The following EVI5L variants were observed in gnomAD, a reference collection of about 807,000 sequenced individuals.
EVI5L encodes the protein EVI5-like protein.
In EVI5L, 30 loss-of-function variants were observed where a neutral mutation model predicts 106.1. The ratio of observed to expected loss-of-function variants is 0.28; its 90% CI spans 0.21 to 0.38. The LOEUF is 0.38. Ranked by LOEUF, EVI5L falls within the 10% of genes least tolerant of loss-of-function variation. The pLI is 1.00. For missense variants in EVI5L, 809 were observed against 1,098.0 expected, an observed-to-expected ratio of 0.74 and a Z score of 3.72; for synonymous variants, 489 against 483.3, an observed-to-expected ratio of 1.01 and a Z score of -0.15.
chr19:7,830,984 C>G (rs1407554394), intron 1 of EVI5L, among the ~76,000 whole-genome samples: 1 of 150,386 alleles, frequency 6.6e-6, no homozygotes, highest in Admixed American at 6.6e-5. Flanking sequence ...CCTACCCCTG[C>G]CCACAGCCCT....
intron 6 of EVI5L, among the ~76,000 whole-genome samples, chr19:7,851,007 G>C (rs1001414684): frequency 6.8e-6 from 1 of 146,950 alleles, no homozygotes; most frequent in African/African-American, 2.5e-5. Context: ...TGGCTGGCAG[G>C]TCACGTAACA....
chr19:7,854,014 G>T (rs1214151451), intron 10 of EVI5L, among the ~76,000 whole-genome samples: 2 of 152,188 alleles, frequency 1.3e-5, no homozygotes, highest in Non-Finnish European at 2.9e-5. Flanking sequence ...GGGCGCGATG[G>T]CTCATGCATG....
At chr19:7,860,905 G>A (rs1009288581) in intron 14 of EVI5L, among the ~76,000 whole-genome samples, 1 of 152,124 alleles carries the variant, frequency 6.6e-6, no homozygotes, top group Non-Finnish European at 1.5e-5. Context: ...TGAGCTTCCC[G>A]GATACCTGCA....
chr19:7,864,028 G>A lies in EVI5L; in HGVS notation c.*326G>A, dbSNP rs1033979982. 1.3e-5 allele frequency: 4 copies of A among 315,422 alleles called. No homozygotes were observed. The highest frequency in any genetic ancestry group is 2.3e-5 in the Non-Finnish European group (4 of 172,754). 19.5% of individuals were successfully genotyped at this position (315,422 alleles called of 1,614,324 possible). A position where few individuals can be genotyped will look rare whatever the true frequency, so the allele number is the denominator to read the frequency against. The stretch of plus-strand genomic sequence containing the variant: ...AGGGCAGGGGACAGACGACCCAGAG[G>A]TCCCAGCACTGAATGAGCAGGCAGC... On this transcript the variant is annotated 3_prime_UTR_variant, in exon 20 of 20. Transcript: ENST00000538904. The surrounding 1 kb of genome is among the most constrained non-coding windows in gnomAD (Gnocchi z 4.5).
At chr19:7,860,831 A>G in intron 14 of EVI5L, 142 bp downstream of exon 14, 2 of 1,031,310 alleles carry the variant, frequency 1.9e-6, no homozygotes, top group African/African-American at 3.3e-5. Flanking sequence ...CACACAGCAC[A>G]ACCCCACGCG....
rs551981586 is a variant in EVI5L, at chr19:7,853,537, G to A, written c.1146+204G>A. ...AGCGCCTCCCCCGCCTGACGCCGCG[G>A]TAACCAAGACAGTCAAGGTCCCTGC... On this transcript the variant is annotated intron_variant, in intron 10 of 19. Transcript: ENST00000538904. 295 of 669,192 alleles carry A rather than the reference G, an allele frequency of 4.4e-4. 2 individuals are homozygous for A. In the African/African-American group the frequency reaches 4.9e-3, roughly 11 times the overall value. The allele number at this position is 669,192 out of a possible 1,614,324, so 41.5% of individuals were successfully genotyped here. A position where few individuals can be genotyped will look rare whatever the true frequency, so the allele number is the denominator to read the frequency against.
Position 7,860,555 on chromosome 19 carries a change from C to G in EVI5L, c.1375-6C>G. The stretch of plus-strand genomic sequence containing the variant: ...GGGGCCCCACGCAGCTCTCTGCCTC[C>G]CCCAGGAGAACCCCCGCCTCACAGA... On this transcript the variant is annotated splice_polypyrimidine_tract_variant and splice_region_variant and intron_variant, in intron 13 of 19. Coordinates refer to ENST00000538904, the MANE Select transcript of EVI5L (RefSeq NM_001159944.3). 2 of 1,582,224 alleles carry G rather than the reference C, an allele frequency of 1.3e-6. No homozygotes were observed. Among genetic ancestry groups the G allele is most frequent in the South Asian group, 2.3e-5 (2 of 87,340 alleles).
rs1205574877 is a variant in EVI5L, at chr19:7,843,403, G to C, written c.-47-3093G>C. Among the ~76,000 whole-genome samples, 2 of 76,928 alleles carry C rather than the reference G, an allele frequency of 2.6e-5. 1 individual carries two copies. Among genetic ancestry groups the C allele is most frequent in the African/African-American group, 8.7e-5 (2 of 23,026 alleles). 50.5% of individuals were successfully genotyped at this position (76,928 alleles called of 152,430 possible). ...GTGTCGAGTGTGTGCATAGGTGTGTGAGTGTGAGAATAGGCATGGGTGTGT... is the reference window on the plus strand; with the variant it reads ...GTGTCGAGTGTGTGCATAGGTGTGTCAGTGTGAGAATAGGCATGGGTGTGT... On this transcript the variant is annotated intron_variant, in intron 1 of 19. Coordinates refer to ENST00000538904, the MANE Select transcript of EVI5L (RefSeq NM_001159944.3).
intron 2 of EVI5L, 101 bp downstream of exon 2, chr19:7,846,780 T>G (rs1037559707): frequency 6.9e-7 from 1 of 1,454,598 alleles, no homozygotes; most frequent in African/African-American, 1.4e-5. Flanking sequence ...GCCCAGTGTG[T>G]GCAATGTGAC....
chr19:7,846,833 A>C (rs2146423089), intron 2 of EVI5L, among the ~76,000 whole-genome samples, 154 bp downstream of exon 2: 1 of 152,246 alleles, frequency 6.6e-6, no homozygotes, highest in South Asian at 2.1e-4. Context: ...ACCTCCTTTC[A>C]TCCTCCCAAC....
chr19:7,843,461 T>C (rs1339147295), intron 1 of EVI5L, among the ~76,000 whole-genome samples: 4 of 147,220 alleles, frequency 2.7e-5, no homozygotes. Flanking sequence ...TGTGAGTGTG[T>C]GTGAGAATAG....
At chr19:7,843,891 G>A (rs1978827543) in intron 1 of EVI5L, among the ~76,000 whole-genome samples, 1 of 152,110 alleles carries the variant, frequency 6.6e-6, no homozygotes, top group Non-Finnish European at 1.5e-5. Context: ...TGAGTGGAGA[G>A]AAAGTTCCGG....
chr19:7,860,825 C>A, intron 14 of EVI5L, 136 bp downstream of exon 14: 1 of 1,061,506 alleles, frequency 9.4e-7, no homozygotes, highest in Non-Finnish European at 1.3e-6. Context: ...TGCACACACA[C>A]AGCACAACCC....
chr19:7,847,664 C>A, intron 2 of EVI5L, 68 bp from the exon 3 acceptor site: 1 of 1,546,626 alleles, frequency 6.5e-7, no homozygotes, highest in Non-Finnish European at 8.7e-7. Context: ...GGAGGATGGG[C>A]TGGGCTCGCC....
At chr19:7,831,488 C>A (rs1219560918) in intron 1 of EVI5L, among the ~76,000 whole-genome samples, 1 of 152,092 alleles carries the variant, frequency 6.6e-6, no homozygotes, top group Admixed American at 6.6e-5. Flanking sequence ...GCCAACTTGC[C>A]CCTCCACCAA....
chr19:7,863,880 A>G lies in EVI5L; in HGVS notation c.*178A>G. 1 of 834,618 alleles carries G rather than the reference A, an allele frequency of 1.2e-6. No individual in the cohort carries two copies. Among genetic ancestry groups the G allele is most frequent in the Non-Finnish European group, 1.7e-6 (1 of 576,426 alleles). The allele number at this position is 834,618 out of a possible 1,614,324, so 51.7% of individuals were successfully genotyped here. On this transcript the variant is annotated 3_prime_UTR_variant, in exon 20 of 20. Transcript: ENST00000538904. This position sits in a 1 kb window ranked among gnomAD's most constrained non-coding sequence, Gnocchi z 7.7. ...GGGTAGGGTCCGACCTGGGCTCCTC[A>G]GGGCCCCGGGGCAGGCTCTCTATCC...
intron 1 of EVI5L, among the ~76,000 whole-genome samples, chr19:7,841,992 G>A (rs1346206056): frequency 6.6e-6 from 1 of 152,232 alleles, no homozygotes; most frequent in Non-Finnish European, 1.5e-5. Flanking sequence ...CTCGGTGCAG[G>A]AAGTGTGTGA....
At position 7,843,255 on chromosome 19, in the gene EVI5L, GGT is replaced by G. The variant is rs936430641; in HGVS notation, c.-47-3233_-47-3232del. ...TGTCGAGTGTGTGCATGTGTGTATAGGTGTGTGTGAGAATAGGCATGGGTGTG... is the reference window on the plus strand; with the variant it reads ...TGTCGAGTGTGTGCATGTGTGTATAGGTGTGTGAGAATAGGCATGGGTGTG... On this transcript the variant is annotated intron_variant, in intron 1 of 19. Coordinates refer to ENST00000538904, the MANE Select transcript of EVI5L (RefSeq NM_001159944.3). Among the ~76,000 whole-genome samples the G allele has an allele frequency of 7.8e-5, 10 of 128,552 alleles. No homozygotes were observed. The East Asian group carries it at 1.9e-3, about 24-fold the overall frequency. The allele number at this position is 128,552 out of a possible 152,430, so 84.3% of individuals were successfully genotyped here. A position where few individuals can be genotyped will look rare whatever the true frequency, so the allele number is the denominator to read the frequency against.
At position 7,849,071 on chromosome 19, in the gene EVI5L, C is replaced by T; in HGVS notation, c.478C>T (p.Arg160Cys). ...CEKLIRRDIARTYPEHEFFKG... is the reference protein window; with the variant it reads ...CEKLIRRDIACTYPEHEFFKG... ...GAAGCTGATCCGCAGGGACATCGCC[C>T]GCACCTACCCGGAACATGAGTTCTT... Residue 160 changes from arginine to cysteine, a missense_variant, in exon 4 of 20, where the codon CGC becomes TGC. Around this residue, in one of 2 missense-constraint regions of EVI5L, gnomAD observed 357 missense variants for 588.1 expected, o/e 0.61. Transcript: ENST00000538904. 1 of 1,611,796 alleles carries T rather than the reference C, an allele frequency of 6.2e-7. No homozygotes were observed. The highest frequency in any genetic ancestry group is 8.5e-7 in the Non-Finnish European group (1 of 1,179,148).
Sources: gnomAD v4.1 joint callset for allele counts (sites outside exome capture counted in the v4.1 genomes callset) on GRCh38, gnomAD v4.1.1 for gene constraint, gnomAD v4.1.1 regional missense constraint, Gnocchi (gnomAD v3.1) non-coding constraint, MANE v1.5 for transcripts, NCBI Gene and HGNC (gene_info 2026-07-23, HGNC 2026-07-21) for gene names.